Variants in NELL1 observed in about 807,000 individuals in gnomAD.
NELL1 encodes protein kinase C-binding protein NELL1.
A neutral mutation model predicts 107.4 loss-of-function variants in NELL1; 76 were observed. The ratio of observed to expected loss-of-function variants is 0.71; its 90% confidence interval spans 0.59 to 0.86. The LOEUF (loss-of-function observed/expected upper bound fraction) is 0.86, where lower values mean the gene tolerates loss of function less well. Ranked by LOEUF, NELL1 falls within the 40% of genes least tolerant of loss-of-function variation. NELL1 has a pLI of 0.00. For missense variants in NELL1, 1,024 were observed against 1,005.5 expected (o/e 1.02, Z -0.25); for synonymous variants, 353 against 341.2 (o/e 1.03, Z -0.38).
intron 7 of NELL1, among the ~76,000 whole-genome samples, chr11:20,924,416 C>A (rs1161156836): frequency 6.6e-6 from 1 of 152,092 alleles, no homozygotes; most frequent in Non-Finnish European, 1.5e-5. Context: ...AAAATAAAAA[C>A]CACATTCAGA....
rs542362263 is a variant in NELL1 at position 21,257,832 on chromosome 11, A to C, written c.1549+28378A>C. On this transcript the variant is annotated intron_variant, in intron 14 of 19. Transcript: ENST00000357134. ...GTTTAATGGTAGGAGGGGATTATCC[A>C]TGACAGTGTCCACAACTGTTCATCT... Among the ~76,000 whole-genome samples, 3 of 152,112 alleles carry C rather than the reference A, an allele frequency of 2.0e-5. No individual in the cohort carries two copies. In the South Asian group the frequency reaches 6.2e-4, roughly 32 times the overall value.
At chr11:21,185,389 G>A (rs996077733) in intron 13 of NELL1, among the ~76,000 whole-genome samples, 5 of 147,026 alleles carry the variant, frequency 3.4e-5, no homozygotes, top group African/African-American at 7.6e-5. Flanking sequence ...CTGCCTCCCA[G>A]GTTGAAGCGA....
intron 14 of NELL1, among the ~76,000 whole-genome samples, chr11:21,270,776 T>A (rs562829124): frequency 4.3e-4 from 66 of 152,202 alleles, no homozygotes; most frequent in South Asian, 2.3e-3. Flanking sequence ...ATGTTCTGGG[T>A]CATAAAGCAG....
chr11:20,681,671 G>A (rs74779901), intron 2 of NELL1, among the ~76,000 whole-genome samples: 6,144 of 152,090 alleles, frequency 0.04, 417 homozygotes, highest in African/African-American at 0.14. Flanking sequence ...TACAAATTTA[G>A]TGACTTAAAA....
At chr11:21,034,718 A>G (rs1301826912) in intron 12 of NELL1, among the ~76,000 whole-genome samples, 3 of 152,152 alleles carry the variant, frequency 2.0e-5, no homozygotes, top group African/African-American at 4.8e-5. Flanking sequence ...AGGATACAAC[A>G]TACTAGAATC....
chr11:21,466,750 A>C (rs1854042293), intron 15 of NELL1, among the ~76,000 whole-genome samples: 1 of 152,000 alleles, frequency 6.6e-6, no homozygotes, highest in Non-Finnish European at 1.5e-5. Context: ...AGAACCTCCC[A>C]CTAGGAGAAG....
chr11:21,243,740 A>G (rs577509583), intron 14 of NELL1, among the ~76,000 whole-genome samples: 2 of 152,258 alleles, frequency 1.3e-5, no homozygotes, highest in African/African-American at 4.8e-5. Context: ...CAGGTTAGAC[A>G]CATCTCAGTT....
At chr11:21,492,640 C>T (rs1000370314) in intron 15 of NELL1, among the ~76,000 whole-genome samples, 7 of 149,788 alleles carry the variant, frequency 4.7e-5, no homozygotes, top group African/African-American at 1.7e-4. Context: ...TAAACTATCG[C>T]AAGGACAAAA....
rs149093452 is a variant in NELL1, at chr11:21,560,315, G to T, written c.1913G>T (p.Gly638Val). The T allele has an allele frequency of 5.0e-6, 8 of 1,612,910 alleles. No individual in the cohort carries two copies. Among genetic ancestry groups the T allele is most frequent in the Non-Finnish European group, 6.8e-6 (8 of 1,179,518 alleles). Residue 638 changes from glycine to valine, a missense_variant, in exon 17 of 20, where the codon GGG becomes GTG. Coordinates refer to ENST00000357134, the MANE Select transcript of NELL1 (RefSeq NM_006157.5). ...TGCTCTGGTGACTGTCCTCATGAAG[G>T]GGGGCTGAAGCACAATGGCCAGGTG... ...PSCSGDCPHE[G>V]GLKHNGQVWT...
chr11:21,453,568 T>TC (rs895561707), intron 15 of NELL1, among the ~76,000 whole-genome samples: 7 of 152,128 alleles, frequency 4.6e-5, no homozygotes, highest in African/African-American at 1.7e-4. Flanking sequence ...TGTTTTTTTT[T>TC]CTTTTATTCC....
At chr11:20,724,166 T>C (rs904083618) in intron 2 of NELL1, among the ~76,000 whole-genome samples, 5 of 152,254 alleles carry the variant, frequency 3.3e-5, no homozygotes, top group African/African-American at 1.2e-4. Flanking sequence ...GGGGTTGCCT[T>C]GAAGATCTCT....
chr11:20,863,502 A>G (rs1210697678), intron 4 of NELL1, among the ~76,000 whole-genome samples: 20 of 141,740 alleles, frequency 1.4e-4, no homozygotes, highest in African/African-American at 5.2e-4. Context: ...CTCACCTCCC[A>G]GACGGGGTCG....
chr11:21,411,705 CT>C (rs1312646158), intron 15 of NELL1, among the ~76,000 whole-genome samples: 24 of 152,058 alleles, frequency 1.6e-4, no homozygotes, highest in Non-Finnish European at 1.0e-4. Flanking sequence ...ACAAATATTA[CT>C]TTTTTTAAAA....
At chr11:21,189,739 G>A (rs746970275) in intron 13 of NELL1, among the ~76,000 whole-genome samples, 1 of 149,498 alleles carries the variant, frequency 6.7e-6, no homozygotes, top group Non-Finnish European at 1.5e-5. Context: ...ATATTACTTG[G>A]GATACAGAAA....
At chr11:21,407,549 A>T (rs989645492) in intron 15 of NELL1, among the ~76,000 whole-genome samples, 1 of 151,910 alleles carries the variant, frequency 6.6e-6, no homozygotes, top group Non-Finnish European at 1.5e-5. Context: ...TATATGAATT[A>T]TTTACCAAGT....
intron 13 of NELL1, among the ~76,000 whole-genome samples, chr11:21,217,924 T>G (rs75842154): frequency 0.073 from 11,128 of 152,230 alleles, 575 homozygotes; most frequent in Non-Finnish European, 0.11. Context: ...TTGGATTTAT[T>G]AGAGCCTTCC....
At chr11:20,989,197 G>A (rs1298735350) in intron 12 of NELL1, among the ~76,000 whole-genome samples, 4 of 152,196 alleles carry the variant, frequency 2.6e-5, no homozygotes, top group African/African-American at 9.6e-5. Flanking sequence ...AAGAGGAAGA[G>A]TTTGTGATCT....
chr11:21,441,306 A>G (rs1052195039), intron 15 of NELL1, among the ~76,000 whole-genome samples: 12 of 150,696 alleles, frequency 8.0e-5, no homozygotes, highest in Non-Finnish European at 1.6e-4. Flanking sequence ...GAACAGCCAT[A>G]TATTCTTTAC....
chr11:21,223,867 C>T (rs943919872), intron 13 of NELL1, among the ~76,000 whole-genome samples: 25 of 152,140 alleles, frequency 1.6e-4, no homozygotes, highest in African/African-American at 5.3e-4. Context: ...TGATGAATTT[C>T]TTCAGTTTTT....
Sources: gnomAD v4.1 joint callset for allele counts (sites outside exome capture counted in the v4.1 genomes callset) on GRCh38, gnomAD v4.1.1 for gene constraint, MANE v1.5 for transcripts, NCBI Gene and HGNC (gene_info 2026-07-23, HGNC 2026-07-21) for gene names.